SYNE2: variants seen among roughly 807,000 people sequenced by gnomAD.
SYNE2 encodes the protein spectrin repeat containing nuclear envelope protein 2, also known as nesprin-2.
A neutral mutation model predicts 856.3 loss-of-function variants in SYNE2; 431 were observed. The ratio of observed to expected loss-of-function variants is 0.50; its 90% CI spans 0.47 to 0.55. The LOEUF is 0.55. SYNE2 is among the 20% of genes least tolerant of loss of function. The pLI is 0.00. For missense variants in SYNE2, 8,129 were observed against 8,023.2 expected (o/e 1.01, Z -0.50); for synonymous variants, 2,923 against 2,872.3 (o/e 1.02, Z -0.56).
Position 64,021,751 on chromosome 14 carries a change from A to G in SYNE2, c.5353-106A>G, listed in dbSNP as rs1027357267. The G allele has an allele frequency of 3.9e-6, 5 of 1,271,878 alleles. No individual in the cohort carries two copies. The African/African-American group carries it at 5.9e-5, about 15-fold the overall frequency. 78.8% of individuals were successfully genotyped at this position (1,271,878 alleles called of 1,614,324 possible). ...TAGCAAAGAGAAAGTGAATCCACTC[A>G]ACAGAGAGTCATTGAGATTTTTACA... On this transcript the variant is annotated intron_variant, in intron 36 of 115. Transcript: ENST00000555002.
rs2095259433 is a variant in SYNE2, at chr14:63,896,753, A to G, written c.-51-12345A>G. Among the ~76,000 whole-genome samples the G allele has an allele frequency of 2.0e-5, 3 of 152,316 alleles. 1 individual carries two copies. In the South Asian group the frequency reaches 6.2e-4, roughly 32 times the overall value. ...TTCCTCTCATTTCTCTAACTTACATAGAATTCTGTTAAAATTTTAAAGAGT... is the reference window on the plus strand; with the variant it reads ...TTCCTCTCATTTCTCTAACTTACATGGAATTCTGTTAAAATTTTAAAGAGT... On this transcript the variant is annotated intron_variant, in intron 1 of 115. Coordinates refer to ENST00000555002, the MANE Select transcript of SYNE2 (RefSeq NM_182914.3).
At chr14:64,162,342 C>G in intron 88 of SYNE2, 66 bp downstream of exon 88, 3 of 1,523,496 alleles carry the variant, frequency 2.0e-6, no homozygotes, top group Non-Finnish European at 2.7e-6. Context: ...AAGGGACAGC[C>G]ATGACCTGGG....
intron 35 of SYNE2, 52 bp from the exon 36 acceptor site, chr14:64,021,263 A>G: frequency 1.4e-6 from 2 of 1,427,474 alleles, no homozygotes. Flanking sequence ...AGTTGTCTTA[A>G]ATCTAGTTAA....
rs746126224 is a variant in SYNE2 at position 64,052,776 on chromosome 14, C to G, written c.8863C>G (p.Leu2955Val). The change falls in exon 48 of 116, where the codon CTT becomes GTT. Residue 2955 changes from leucine to valine, a missense_variant. Coordinates refer to ENST00000555002, the MANE Select transcript of SYNE2 (RefSeq NM_182914.3). ...CRQFHEKTSA[L>V]QEEADSIQRN... The stretch of plus-strand genomic sequence containing the variant: ...ACAATTCCATGAAAAAACATCAGCG[C>G]TTCAGGAGGAGGCTGACAGTATACA... The G allele has an allele frequency of 6.2e-7, 1 of 1,612,540 alleles. No homozygotes were observed. Among genetic ancestry groups the G allele is most frequent in the Non-Finnish European group, 8.5e-7 (1 of 1,179,360 alleles).
rs191997356 is a variant in SYNE2 at position 63,780,084 on chromosome 14, G to T, written c.-305+18098G>T. Among the ~76,000 whole-genome samples, 125 of 152,194 alleles carry T rather than the reference G, an allele frequency of 8.2e-4. 2 individuals are homozygous for T. The highest frequency in any genetic ancestry group is 1.5e-3 in the Non-Finnish European group (104 of 68,012). On this transcript the variant is annotated intron_variant, in intron 1 of 23. Coordinates refer to the SYNE2 transcript ENST00000674003. ...ACATGGTCAATATTTTAAAATCAAT[G>T]ACATTGGAAATACAACTGGAAAATG...
At position 63,990,430 on chromosome 14, in the gene SYNE2, C is replaced by G. The variant is rs186652746; in HGVS notation, c.2333C>G (p.Ser778Cys). The G allele has an allele frequency of 3.0e-5, 49 of 1,613,068 alleles. No homozygotes were observed. In the East Asian group the frequency reaches 6.2e-4, roughly 21 times the overall value. The change falls in exon 20 of 116, where the codon TCT becomes TGT. Residue 778 changes from serine (S) to cysteine (C), a missense_variant. Physicochemically the swap from Ser to Cys is moderately radical, Grantham distance 112. Coordinates refer to ENST00000555002, the MANE Select transcript of SYNE2 (RefSeq NM_182914.3). ...TAATAGCATCTTATTGCCAAAGGCT[C>G]TATGTTTGATGAGCTTATGGCAAGA... Reference protein sequence around the residue: ...ESLKHLIAKGSMFDELMARSE... With the variant: ...ESLKHLIAKGCMFDELMARSE...
In SYNE2 at chr14:64,142,199, G is replaced by A; in HGVS notation, c.15306+111G>A. On this transcript the variant is annotated intron_variant, in intron 82 of 115. Transcript: ENST00000555002. ...ATATAATTTCAAAAAACTAATTCTA[G>A]GGGTAGGAAACTGGGGTGGTGGATG... 11 of 1,303,006 alleles carry A rather than the reference G, an allele frequency of 8.4e-6. No homozygotes were observed. In the South Asian group the frequency reaches 1.3e-4, roughly 15 times the overall value. The allele number at this position is 1,303,006 out of a possible 1,614,324, so 80.7% of individuals were successfully genotyped here. A position where few individuals can be genotyped will look rare whatever the true frequency, so the allele number is the denominator to read the frequency against.
chr14:64,042,546 A>G (rs2097156759), intron 45 of SYNE2, among the ~76,000 whole-genome samples: 1 of 152,156 alleles, frequency 6.6e-6, no homozygotes, highest in Non-Finnish European at 1.5e-5. Flanking sequence ...GTGGGAGGTG[A>G]TTGAATTATG....
At chr14:64,209,050 G>C in intron 101 of SYNE2, 105 bp downstream of exon 101, 1 of 1,418,920 alleles carries the variant, frequency 7.0e-7, no homozygotes, top group South Asian at 1.2e-5. Context: ...ACTTAGAAAT[G>C]CGCCAGGTAT....
intron 37 of SYNE2, 31 bp downstream of exon 37, chr14:64,022,059 TG>T: frequency 6.2e-7 from 1 of 1,607,172 alleles, no homozygotes; most frequent in Non-Finnish European, 8.5e-7. Context: ...ATTTTGTTTC[TG>T]GGACTCTTGA....
At chr14:64,169,141 TG>T (rs1463819020) in intron 93 of SYNE2, among the ~76,000 whole-genome samples, 170 bp downstream of exon 93, 1 of 152,176 alleles carries the variant, frequency 6.6e-6, no homozygotes, top group East Asian at 1.9e-4. Flanking sequence ...TAGATCTTGC[TG>T]GGTGACCATA....
chr14:63,973,519 C>G (rs1003790232), intron 11 of SYNE2, among the ~76,000 whole-genome samples: 33 of 149,336 alleles, frequency 2.2e-4, no homozygotes, highest in African/African-American at 7.4e-4. Context: ...GTAATCCCAG[C>G]AACTGGAGAG....
chr14:63,989,387 G>C (rs1566983200), intron 19 of SYNE2, among the ~76,000 whole-genome samples: 1 of 152,116 alleles, frequency 6.6e-6, no homozygotes. Flanking sequence ...GCCCAGGCTG[G>C]AGTGCAGTGG....
chr14:64,124,979 G>T (rs1248148258), intron 70 of SYNE2, 100 bp from the exon 71 acceptor site: 1 of 1,481,720 alleles, frequency 6.7e-7, no homozygotes, highest in Non-Finnish European at 9.2e-7. Context: ...CTCCAGCCTG[G>T]GCGACAGAGC....
At chr14:64,188,443 C>A (rs1255986) in intron 97 of SYNE2, 107 bp from the exon 98 acceptor site, 2 of 1,267,784 alleles carry the variant, frequency 1.6e-6, no homozygotes, top group Non-Finnish European at 2.3e-6. Flanking sequence ...AGGTTGAGTG[C>A]GGAGAGCTAC....
intron 45 of SYNE2, among the ~76,000 whole-genome samples, chr14:64,034,197 T>A (rs1003470101): frequency 2.0e-5 from 3 of 152,166 alleles, no homozygotes; most frequent in Non-Finnish European, 2.9e-5. Flanking sequence ...AAGGCACAGT[T>A]TACTGAATTA....
At chr14:64,095,815 C>G (rs530171653) in intron 61 of SYNE2, among the ~76,000 whole-genome samples, 4 of 152,288 alleles carry the variant, frequency 2.6e-5, no homozygotes, top group African/African-American at 7.2e-5. Flanking sequence ...TCCCCTCCCC[C>G]CAACATTTTT....
chr14:64,070,202 C>T (rs888148794), intron 51 of SYNE2, among the ~76,000 whole-genome samples: 3 of 152,150 alleles, frequency 2.0e-5, no homozygotes, highest in African/African-American at 7.2e-5. Context: ...TGAGAACCTG[C>T]TGGCCTTACT....
rs527368157 is a variant in SYNE2 at position 64,167,327 on chromosome 14, C to G, written c.16700C>G (p.Thr5567Arg). The G allele has an allele frequency of 6.2e-7, 1 of 1,614,222 alleles. No homozygotes were observed. The highest frequency in any genetic ancestry group is 2.2e-5 in the East Asian group (1 of 44,888). The change falls in exon 91 of 116, where the codon ACG (threonine) becomes AGG (arginine). Residue 5567 changes from threonine (T) to arginine (R), a missense_variant. This residue lies in a region of SYNE2 where 5,410 missense variants were observed against 5,284.8 expected (regional missense o/e 1.02). Coordinates refer to ENST00000555002, the MANE Select transcript of SYNE2 (RefSeq NM_182914.3). ...KLPLSDVAVK[T>R]LQNMNRQWIR... ...CCACTTAGTGACGTAGCTGTGAAGA[C>G]GTTACAAAATATGAACCGGCAATGG...
Sources: allele counts gnomAD v4.1 joint callset (sites outside exome capture counted in the v4.1 genomes callset), GRCh38; gene constraint gnomAD v4.1.1; regional missense constraint gnomAD v4.1.1; transcripts MANE v1.5; gene names NCBI Gene and HGNC (gene_info 2026-07-23, HGNC 2026-07-21).